Variants in LRRTM4 observed in about 807,000 individuals in gnomAD.
LRRTM4 encodes leucine rich repeat transmembrane neuronal 4.
In LRRTM4, 25 loss-of-function variants were observed where a neutral mutation model predicts 47.6. The observed-to-expected ratio is 0.53, with a 90% CI of 0.38 to 0.73. The LOEUF is 0.73. Among genes scored for constraint, LRRTM4 ranks in the 30% least tolerant of loss-of-function variants. LRRTM4 has a pLI of 0.00. For synonymous variants in LRRTM4, 311 were observed against 269.5 expected, an observed-to-expected ratio of 1.15 and a Z score of -1.51; for missense variants, 638 against 713.4, an observed-to-expected ratio of 0.89 and a Z score of 1.20.
intron 3 of LRRTM4, among the ~76,000 whole-genome samples, chr2:76,957,084 A>G (rs1307646592): frequency 6.6e-6 from 1 of 151,806 alleles, no homozygotes; most frequent in African/African-American, 2.4e-5. Context: ...ATTTGGCAAG[A>G]AAAGAGAAAA....
intron 3 of LRRTM4, among the ~76,000 whole-genome samples, chr2:77,175,614 T>G (rs1328435315): frequency 6.6e-6 from 1 of 152,172 alleles, no homozygotes; most frequent in Non-Finnish European, 1.5e-5. Context: ...CCTTTTGACC[T>G]CCACCTTCTC....
chr2:76,929,859 A>G (rs1674711279), intron 3 of LRRTM4, among the ~76,000 whole-genome samples: 1 of 152,108 alleles, frequency 6.6e-6, no homozygotes, highest in South Asian at 2.1e-4. Context: ...GAATATAAAT[A>G]TTTTTAAAAG....
chr2:77,354,392 G>C (rs549130886), intron 3 of LRRTM4, among the ~76,000 whole-genome samples: 1 of 141,608 alleles, frequency 7.1e-6, no homozygotes, highest in Non-Finnish European at 1.5e-5. Context: ...TTAAAATGTA[G>C]ATATCTTAGA....
At chr2:77,316,342 T>C (rs533307809) in intron 3 of LRRTM4, among the ~76,000 whole-genome samples, 1 of 152,208 alleles carries the variant, frequency 6.6e-6, no homozygotes. Flanking sequence ...TAGGCAATTA[T>C]GAAAAGACTT....
intron 3 of LRRTM4, among the ~76,000 whole-genome samples, chr2:76,790,865 C>A (rs912113208): frequency 1.3e-5 from 2 of 152,046 alleles, no homozygotes; most frequent in African/African-American, 2.4e-5. Flanking sequence ...ATGATGTAGG[C>A]AATGATGCTG....
chr2:77,511,064 A>C (rs1317347839), intron 3 of LRRTM4, among the ~76,000 whole-genome samples: 1 of 152,116 alleles, frequency 6.6e-6, no homozygotes, highest in East Asian at 1.9e-4. Context: ...ATGGAAAACT[A>C]GGTAAAGAAG....
chr2:77,110,613 A>C (rs1263737179), intron 3 of LRRTM4, among the ~76,000 whole-genome samples: 2 of 152,164 alleles, frequency 1.3e-5, no homozygotes, highest in Non-Finnish European at 1.5e-5. Flanking sequence ...TTATTTGTTC[A>C]TATTGAAATC....
chr2:77,510,867 T>C (rs1678958013), intron 3 of LRRTM4, among the ~76,000 whole-genome samples: 1 of 152,074 alleles, frequency 6.6e-6, no homozygotes, highest in Non-Finnish European at 1.5e-5. Flanking sequence ...TTTGACATTA[T>C]AGTTACTCTA....
At chr2:77,232,620 T>C (rs1487819532) in intron 3 of LRRTM4, among the ~76,000 whole-genome samples, 1 of 152,204 alleles carries the variant, frequency 6.6e-6, no homozygotes, top group Non-Finnish European at 1.5e-5. Flanking sequence ...GAAACAAAGA[T>C]AGGAGAGGAT....
intron 3 of LRRTM4, among the ~76,000 whole-genome samples, chr2:77,428,359 A>G (rs1173948216): frequency 1.3e-5 from 2 of 152,224 alleles, no homozygotes; most frequent in African/African-American, 4.8e-5. Flanking sequence ...ACACACAAAA[A>G]TCAGAAGGAC....
intron 3 of LRRTM4, among the ~76,000 whole-genome samples, chr2:77,368,193 C>A (rs1672529527): frequency 6.6e-6 from 1 of 151,124 alleles, no homozygotes; most frequent in Non-Finnish European, 1.5e-5. Context: ...TGGGCAGGTG[C>A]CCTAGCTAGA....
chr2:77,454,059 C>T (rs182878446), intron 3 of LRRTM4, among the ~76,000 whole-genome samples: 11 of 152,264 alleles, frequency 7.2e-5, no homozygotes, highest in Admixed American at 3.3e-4. Context: ...TAACGCCAGA[C>T]ACTTTCTTTT....
chr2:77,369,853 AAAGT>A (rs1413761190), intron 3 of LRRTM4, among the ~76,000 whole-genome samples: 1 of 151,716 alleles, frequency 6.6e-6, no homozygotes, highest in Non-Finnish European at 1.5e-5. Context: ...AACACAATGG[AAAGT>A]ATTTGTATAT....
intron 3 of LRRTM4, among the ~76,000 whole-genome samples, chr2:77,016,789 A>G (rs1416992179): frequency 6.6e-6 from 1 of 151,946 alleles, no homozygotes; most frequent in East Asian, 1.9e-4. Flanking sequence ...ATTCTCACCT[A>G]TTGCCTTGTT....
intron 3 of LRRTM4, among the ~76,000 whole-genome samples, chr2:77,510,051 C>T (rs1045524022): frequency 2.0e-5 from 3 of 151,978 alleles, no homozygotes; most frequent in African/African-American, 7.2e-5. Context: ...AGACTCAAAC[C>T]TAATTAATGT....
At chr2:76,935,112 T>C (rs1175906972) in intron 3 of LRRTM4, among the ~76,000 whole-genome samples, 1 of 152,146 alleles carries the variant, frequency 6.6e-6, no homozygotes, top group Admixed American at 6.5e-5. Flanking sequence ...GCCTATTAGA[T>C]TCAAGAGCAG....
intron 3 of LRRTM4, among the ~76,000 whole-genome samples, chr2:76,768,892 T>C (rs181161846): frequency 2.0e-5 from 3 of 152,256 alleles, no homozygotes; most frequent in Admixed American, 1.3e-4. Flanking sequence ...TTGTAGGCTA[T>C]AGAATGTGCT....
chr2:77,022,608 C>A (rs1482564309), intron 3 of LRRTM4, among the ~76,000 whole-genome samples: 1 of 151,976 alleles, frequency 6.6e-6, no homozygotes, highest in Non-Finnish European at 1.5e-5. Context: ...AGAAATTGTC[C>A]AAAACAAAGG....
chr2:76,892,040 G>A (rs1673272366), intron 3 of LRRTM4, among the ~76,000 whole-genome samples: 1 of 151,560 alleles, frequency 6.6e-6, no homozygotes, highest in South Asian at 2.1e-4. Flanking sequence ...GGTATACTGT[G>A]TAGAAAATGA....
Sources: allele counts gnomAD v4.1 joint callset (sites outside exome capture counted in the v4.1 genomes callset), GRCh38; gene constraint gnomAD v4.1.1; transcripts MANE v1.5; gene names NCBI Gene and HGNC (gene_info 2026-07-23, HGNC 2026-07-21).